NCALD: variants seen among roughly 807,000 people sequenced by gnomAD.
The protein encoded by NCALD is neurocalcin delta.
NCALD carries 10 observed loss-of-function variants against 18.6 expected under a neutral mutation model. The observed-to-expected ratio is 0.54, with a 90% CI of 0.33 to 0.91. The LOEUF (loss-of-function observed/expected upper bound fraction) is 0.91. Among genes scored for constraint, NCALD ranks in the 40% least tolerant of loss-of-function variants. NCALD has a pLI of 0.03. For missense variants in NCALD, 184 were observed against 247.6 expected, an observed-to-expected ratio of 0.74 and a Z score of 1.72; for synonymous variants, 88 against 87.4, an observed-to-expected ratio of 1.01 and a Z score of -0.04.
At chr8:101,975,722 T>C (rs150867793) in intron 2 of NCALD, among the ~76,000 whole-genome samples, 154 of 152,344 alleles carry the variant, frequency 1.0e-3, no homozygotes, top group African/African-American at 3.6e-3. Context: ...TCCAAAGCTC[T>C]CACATAAATG....
intron 1 of NCALD, among the ~76,000 whole-genome samples, chr8:101,774,590 T>TA (rs1350822218): frequency 6.6e-6 from 1 of 152,256 alleles, no homozygotes; most frequent in East Asian, 1.9e-4. Context: ...GAAAGAGACA[T>TA]ATTTAGGTTA....
chr8:101,713,317 G>C (rs1177215969), intron 2 of NCALD, among the ~76,000 whole-genome samples: 2 of 152,128 alleles, frequency 1.3e-5, no homozygotes, highest in Non-Finnish European at 2.9e-5. Flanking sequence ...GCCCACAGTA[G>C]AAAGCAGAAA....
intron 4 of NCALD, among the ~76,000 whole-genome samples, chr8:101,876,113 T>C (rs1816216675): frequency 6.6e-6 from 1 of 152,178 alleles, no homozygotes; most frequent in African/African-American, 2.4e-5. Context: ...AGGATGACTG[T>C]GGAGAAAGAA....
At chr8:101,990,283 AC>A (rs1472552998) in intron 2 of NCALD, among the ~76,000 whole-genome samples, 1 of 152,202 alleles carries the variant, frequency 6.6e-6, no homozygotes, top group African/African-American at 2.4e-5. Flanking sequence ...TATGGGCAAG[AC>A]CTAGGAGGTA....
At chr8:102,024,923 C>T (rs1438632457) in intron 1 of NCALD, among the ~76,000 whole-genome samples, 1 of 152,182 alleles carries the variant, frequency 6.6e-6, no homozygotes, top group East Asian at 1.9e-4. Context: ...TGTCAAGTTG[C>T]TTTGTTTTCC....
intron 1 of NCALD, among the ~76,000 whole-genome samples, chr8:101,728,670 A>G (rs1816680629): frequency 6.6e-6 from 1 of 152,172 alleles, no homozygotes; most frequent in African/African-American, 2.4e-5. Context: ...AATACAAAAA[A>G]TTAGCCAGGC....
chr8:101,771,099 C>T (rs1465367507), intron 1 of NCALD, among the ~76,000 whole-genome samples: 1 of 152,030 alleles, frequency 6.6e-6, no homozygotes, highest in African/African-American at 2.4e-5. Context: ...CTACCCCCTC[C>T]AAAAAATAAA....
At chr8:101,841,155 C>G (rs1814627621) in intron 4 of NCALD, among the ~76,000 whole-genome samples, 1 of 152,138 alleles carries the variant, frequency 6.6e-6, no homozygotes, top group Non-Finnish European at 1.5e-5. Context: ...TAATTTTAGT[C>G]TGCACAAATC....
intron 4 of NCALD, among the ~76,000 whole-genome samples, chr8:101,852,073 A>T (rs574197816): frequency 6.6e-6 from 1 of 152,248 alleles, no homozygotes; most frequent in East Asian, 1.9e-4. Context: ...ATCTTCTGGC[A>T]TCTTGAACTG....
intron 3 of NCALD, among the ~76,000 whole-genome samples, chr8:101,888,505 A>T (rs1448879160): frequency 6.6e-6 from 1 of 152,008 alleles, no homozygotes; most frequent in African/African-American, 2.4e-5. Flanking sequence ...GTAACCTCAA[A>T]CTTCTATGCT....
At chr8:101,856,502 G>A (rs60341429) in intron 4 of NCALD, among the ~76,000 whole-genome samples, 1,903 of 152,050 alleles carry the variant, frequency 0.013, 41 homozygotes, top group African/African-American at 0.042. Flanking sequence ...GATCTTACAT[G>A]TTTCTACATG....
chr8:101,869,742 CTAATTTT>C (rs1300283871), intron 4 of NCALD, among the ~76,000 whole-genome samples: 1 of 152,148 alleles, frequency 6.6e-6, no homozygotes, highest in African/African-American at 2.4e-5. Context: ...CACATGTATA[CTAATTTT>C]TAAGTGTCAC....
At chr8:101,786,711 G>A (rs554204687) in intron 1 of NCALD, among the ~76,000 whole-genome samples, 5 of 152,270 alleles carry the variant, frequency 3.3e-5, no homozygotes, top group Admixed American at 3.3e-4. Flanking sequence ...GCAGCCTTTG[G>A]TCTTCCTGCA....
intron 2 of NCALD, among the ~76,000 whole-genome samples, chr8:101,937,172 T>C (rs1401536270): frequency 6.6e-6 from 1 of 151,154 alleles, no homozygotes; most frequent in Admixed American, 6.6e-5. Context: ...TCCAGTGCTC[T>C]TGGGGTCACA....
chr8:101,955,102 A>G (rs79254513), intron 2 of NCALD, among the ~76,000 whole-genome samples: 3,634 of 152,286 alleles, frequency 0.024, 144 homozygotes, highest in African/African-American at 0.082. Context: ...TGTCTTGCCA[A>G]GTGAATAAAT....
chr8:101,890,442 C>T (rs905552430), intron 3 of NCALD, among the ~76,000 whole-genome samples: 1 of 152,054 alleles, frequency 6.6e-6, no homozygotes, highest in African/African-American at 2.4e-5. Flanking sequence ...TGACAGTGTC[C>T]CCTCTAAAAT....
chr8:101,817,070 C>G (rs1813526748), intron 4 of NCALD, among the ~76,000 whole-genome samples: 1 of 152,132 alleles, frequency 6.6e-6, no homozygotes, highest in South Asian at 2.1e-4. Flanking sequence ...ATTTTCATCA[C>G]ACAAGCCACA....
At chr8:101,937,195 CTTTTA>C (rs1387652045) in intron 2 of NCALD, among the ~76,000 whole-genome samples, 3 of 129,590 alleles carry the variant, frequency 2.3e-5, no homozygotes, top group Non-Finnish European at 3.3e-5. Flanking sequence ...TCTTTTTTAA[CTTTTA>C]TTTTAGGTTC....
intron 1 of NCALD, among the ~76,000 whole-genome samples, chr8:102,102,223 G>A (rs1372565372): frequency 6.6e-6 from 1 of 152,066 alleles, no homozygotes. Flanking sequence ...GGGCACAGCA[G>A]GTAATACAAA....
Sources: gnomAD v4.1 joint callset for allele counts (sites outside exome capture counted in the v4.1 genomes callset) on GRCh38, gnomAD v4.1.1 for gene constraint, MANE v1.5 for transcripts, NCBI Gene and HGNC (gene_info 2026-07-23, HGNC 2026-07-21) for gene names.